The following GRAMD1C variants were observed in gnomAD, a reference collection of about 807,000 sequenced individuals.
GRAMD1C encodes GRAM domain containing 1C.
A neutral mutation model predicts 97.8 loss-of-function variants in GRAMD1C; 89 were observed. The ratio of observed to expected loss-of-function variants is 0.91; its 90% CI spans 0.77 to 1.09. GRAMD1C has a LOEUF of 1.09. Among genes scored for constraint, GRAMD1C ranks in the 50% least tolerant of loss-of-function variants. The pLI, the probability that GRAMD1C is intolerant of heterozygous loss-of-function variation, is 0.00. For synonymous variants in GRAMD1C, 256 were observed against 267.0 expected (o/e 0.96, Z 0.40); for missense variants, 740 against 766.4 (o/e 0.97, Z 0.41).
At chr3:113,852,903 G>C (rs982012027) in intron 2 of GRAMD1C, among the ~76,000 whole-genome samples, 1 of 151,942 alleles carries the variant, frequency 6.6e-6, no homozygotes, top group African/African-American at 2.4e-5. Flanking sequence ...AGTTTCTCCT[G>C]AGAATATGTA....
chr3:113,852,683 G>A (rs1038904108), intron 2 of GRAMD1C, among the ~76,000 whole-genome samples: 66 of 152,168 alleles, frequency 4.3e-4, no homozygotes, highest in Non-Finnish European at 2.8e-4. Context: ...CGAGGTACCC[G>A]TGAGGAATTT....
At chr3:113,883,316 A>G (rs1485947972) in intron 6 of GRAMD1C, among the ~76,000 whole-genome samples, 1 of 151,962 alleles carries the variant, frequency 6.6e-6, no homozygotes, top group Non-Finnish European at 1.5e-5. Flanking sequence ...CTTGAGCCCA[A>G]GAGTTTGAGA....
At chr3:113,876,305 A>C (rs765214772) in intron 5 of GRAMD1C, 45 bp downstream of exon 5, 2 of 1,037,788 alleles carry the variant, frequency 1.9e-6, no homozygotes, top group Admixed American at 1.8e-5. Flanking sequence ...TGTGAAGAAA[A>C]TCTCCCTCAT....
chr3:113,829,336 T>C (rs1160137436), intron 1 of GRAMD1C, among the ~76,000 whole-genome samples: 3 of 152,290 alleles, frequency 2.0e-5, no homozygotes, highest in Admixed American at 1.3e-4. Flanking sequence ...TGGCCCCAGG[T>C]ACTTGGAAGG....
At chr3:113,843,803 A>G (rs937263527) in intron 1 of GRAMD1C, among the ~76,000 whole-genome samples, 1 of 152,240 alleles carries the variant, frequency 6.6e-6, no homozygotes, top group African/African-American at 2.4e-5. Flanking sequence ...TGTATAAATC[A>G]GAGCTTATTT....
intron 2 of GRAMD1C, among the ~76,000 whole-genome samples, chr3:113,857,378 CTTTT>C (rs58917498): frequency 7.0e-5 from 9 of 128,164 alleles, no homozygotes; most frequent in Non-Finnish European, 8.4e-5. Context: ...TCTTGTATTC[CTTTT>C]TTTTTTTTTT....
At chr3:113,917,951 C>A (rs1055460540) in intron 10 of GRAMD1C, among the ~76,000 whole-genome samples, 2 of 145,684 alleles carry the variant, frequency 1.4e-5, no homozygotes, top group African/African-American at 2.5e-5. Flanking sequence ...GATCCACCTG[C>A]CTTGGCCTCC....
intron 3 of GRAMD1C, among the ~76,000 whole-genome samples, chr3:113,869,798 AT>A (rs1185503217): frequency 7.9e-5 from 12 of 152,226 alleles, no homozygotes. Context: ...ATATCTGCAC[AT>A]TCATGTTTAT....
chr3:113,922,107 T>C (rs1035514426), intron 10 of GRAMD1C, among the ~76,000 whole-genome samples: 1 of 152,184 alleles, frequency 6.6e-6, no homozygotes, highest in South Asian at 2.1e-4. Flanking sequence ...AGGGTCTCAC[T>C]GTGTCACCCA....
intron 3 of GRAMD1C, among the ~76,000 whole-genome samples, chr3:113,870,787 A>G (rs902495007): frequency 6.6e-5 from 10 of 151,920 alleles, no homozygotes; most frequent in African/African-American, 2.4e-4. Context: ...CTCAATTGCA[A>G]TTCAGGGAGG....
chr3:113,863,144 C>T (rs571570682), intron 2 of GRAMD1C, among the ~76,000 whole-genome samples: 15 of 152,260 alleles, frequency 9.9e-5, no homozygotes, highest in Admixed American at 5.9e-4. Context: ...ATATTCATAA[C>T]AGCATTATTC....
chr3:113,867,568 A>T (rs1035049959), intron 2 of GRAMD1C, among the ~76,000 whole-genome samples: 1 of 152,234 alleles, frequency 6.6e-6, no homozygotes, highest in Non-Finnish European at 1.5e-5. Flanking sequence ...CTGGAATTAT[A>T]GGGATGCATG....
chr3:113,940,948 C>T (rs150994973), intron 17 of GRAMD1C, among the ~76,000 whole-genome samples: 8 of 152,306 alleles, frequency 5.3e-5, no homozygotes, highest in African/African-American at 9.6e-5. Context: ...TCTTTATTCA[C>T]GTAGGTACTC....
chr3:113,908,622 A>T (rs1248157920), intron 8 of GRAMD1C, among the ~76,000 whole-genome samples: 1 of 151,958 alleles, frequency 6.6e-6, no homozygotes, highest in Non-Finnish European at 1.5e-5. Flanking sequence ...TCCCTTGTCT[A>T]CCCCAAAGAA....
intron 3 of GRAMD1C, 103 bp from the exon 4 acceptor site, chr3:113,875,381 A>C (rs1934983947): frequency 1.9e-5 from 12 of 648,310 alleles, no homozygotes. Flanking sequence ...GAATGAACTA[A>C]TGAACAAAAA....
chr3:113,916,749 A>G (rs1936828469), intron 10 of GRAMD1C, among the ~76,000 whole-genome samples: 2 of 152,204 alleles, frequency 1.3e-5, no homozygotes, highest in South Asian at 4.1e-4. Context: ...TACTTCAAAG[A>G]AAATATATTT....
upstream of GRAMD1C, among the ~76,000 whole-genome samples, chr3:113,835,033 T>C (rs988821144): frequency 2.6e-5 from 4 of 152,202 alleles, no homozygotes; most frequent in Non-Finnish European, 4.4e-5. Context: ...TTTTTCCATA[T>C]GTTTTTCTGG....
At chr3:113,897,318 A>G (rs1263686286) in intron 6 of GRAMD1C, among the ~76,000 whole-genome samples, 29 of 152,306 alleles carry the variant, frequency 1.9e-4, no homozygotes, top group Non-Finnish European at 1.5e-5. Context: ...ATAATATTGC[A>G]GTAGCTGTTT....
intron 1 of GRAMD1C, among the ~76,000 whole-genome samples, chr3:113,841,820 C>G (rs1933336132): frequency 6.6e-6 from 1 of 152,152 alleles, no homozygotes; most frequent in Non-Finnish European, 1.5e-5. Flanking sequence ...ACCTCAGCCT[C>G]CCAAGTAGCT....
Sources: gnomAD v4.1 joint callset for allele counts (sites outside exome capture counted in the v4.1 genomes callset) on GRCh38, gnomAD v4.1.1 for gene constraint, MANE v1.5 for transcripts, NCBI Gene and HGNC (gene_info 2026-07-23, HGNC 2026-07-21) for gene names.